WDFY3: variants seen among roughly 807,000 people sequenced by gnomAD.
WDFY3 encodes the protein WD repeat and FYVE domain-containing protein 3.
WDFY3 carries 66 observed loss-of-function variants against 409.6 expected under a neutral mutation model. That is an observed-to-expected ratio of 0.16 (90% CI 0.13 to 0.20). The LOEUF is 0.20. Ranked by LOEUF, WDFY3 falls within the 10% of genes least tolerant of loss-of-function variation. The pLI, the probability that WDFY3 is intolerant of heterozygous loss-of-function variation, is 1.00. For missense variants in WDFY3, 3,031 were observed against 4,298.1 expected, an observed-to-expected ratio of 0.71 and a Z score of 8.24; for synonymous variants, 1,521 against 1,537.1, an observed-to-expected ratio of 0.99 and a Z score of 0.25.
intron 21 of WDFY3, among the ~76,000 whole-genome samples, chr4:84,791,690 A>T (rs1316620839): frequency 2.0e-5 from 3 of 152,188 alleles, no homozygotes; most frequent in Admixed American, 2.0e-4. Context: ...ACTGTCCATA[A>T]TAAAAGGCAG....
At chr4:84,675,890 G>A (rs1401505858) in intron 67 of WDFY3, among the ~76,000 whole-genome samples, 1 of 151,806 alleles carries the variant, frequency 6.6e-6, no homozygotes, top group Non-Finnish European at 1.5e-5. Flanking sequence ...TTTCATATGG[G>A]GGAAAAATAG....
rs571189025 is a variant in WDFY3 at position 84,754,764 on chromosome 4, A to C, written c.5559+502T>G. Reference sequence around the variant, plus strand: ...GTTAACATTTCTGACCTCTAAATGAAAGTGACTTTAAAAGTTGAAATAACA... The same window carrying C: ...GTTAACATTTCTGACCTCTAAATGACAGTGACTTTAAAAGTTGAAATAACA... On this transcript the variant is annotated intron_variant, in intron 34 of 67. Transcript: ENST00000295888. Among the ~76,000 whole-genome samples, 12 of 152,320 alleles carry C rather than the reference A, an allele frequency of 7.9e-5. No individual in the cohort carries two copies. In the South Asian group the frequency reaches 2.5e-3, roughly 32 times the overall value.
intron 11 of WDFY3, 34 bp from the exon 12 acceptor site, chr4:84,820,220 G>T (rs1449609123): frequency 6.6e-7 from 1 of 1,510,844 alleles, no homozygotes; most frequent in Non-Finnish European, 9.0e-7. Context: ...AATTACAAAA[G>T]TGATAAGCTT....
chr4:84,836,962 T>C lies in WDFY3; in HGVS notation c.543A>G (p.Glu181=). The C allele has an allele frequency of 6.3e-7, 1 of 1,586,662 alleles. No homozygotes were observed. The highest frequency in any genetic ancestry group is 8.6e-7 in the Non-Finnish European group (1 of 1,166,656). The change falls in exon 7 of 68, where the codon GAA becomes GAG. Residue 181 remains glutamate, a synonymous_variant. Transcript: ENST00000295888. ...AAACTTTCTGGAGTAGTCCTCGACG[T>C]TCTGCTAGAGGTAGCTCATTCTGTG... ...GGAQNELPLA[E]RRGLLQKVFV... is the part of the protein sequence containing the mutation.
At chr4:84,751,774 C>T (rs1013584554) in intron 35 of WDFY3, 58 bp from the exon 36 acceptor site, 2 of 1,571,918 alleles carry the variant, frequency 1.3e-6, no homozygotes, top group African/African-American at 1.4e-5. Context: ...ATTTTTACTT[C>T]TGTGTTTCCT....
At chr4:84,719,724 T>C (rs1312503572) in intron 47 of WDFY3, among the ~76,000 whole-genome samples, 1 of 152,198 alleles carries the variant, frequency 6.6e-6, no homozygotes, top group Non-Finnish European at 1.5e-5. Flanking sequence ...GTTTATTTCC[T>C]AAGTGTATGG....
At chr4:84,703,568 C>T (rs545961840) in intron 55 of WDFY3, among the ~76,000 whole-genome samples, 23 of 152,326 alleles carry the variant, frequency 1.5e-4, no homozygotes, top group East Asian at 1.2e-3. Flanking sequence ...CACTGGCCCC[C>T]GGGCTGCTCC....
In WDFY3 at chr4:84,810,103, A is replaced by G; in HGVS notation, c.2129T>C (p.Ile710Thr). 6.2e-7 allele frequency: 1 copy of G among 1,614,164 alleles called. No homozygotes were observed. Among genetic ancestry groups the G allele is most frequent in the Non-Finnish European group, 8.5e-7 (1 of 1,180,002 alleles). ...AGCATCTGCCAACTTCTCATACTGA[A>G]TCTCTGTTTTGAAGAAATGAGAGTT... ...PANSHFFKTE[I>T]QYEKLADAVR... The change falls in exon 14 of 68, where the codon ATT becomes ACT. Residue 710 changes from isoleucine to threonine, a missense_variant. By Grantham distance (89) the Ile-to-Thr change is moderately conservative (BLOSUM62 -1). Around this residue, in one of 16 missense-constraint regions of WDFY3, gnomAD observed 1,322 missense variants for 1,697.9 expected, o/e 0.78. Coordinates refer to ENST00000295888, the MANE Select transcript of WDFY3 (RefSeq NM_014991.6).
chr4:84,959,252 A>G (rs944257733), intron 1 of WDFY3, among the ~76,000 whole-genome samples: 7 of 152,164 alleles, frequency 4.6e-5, no homozygotes, highest in Non-Finnish European at 8.8e-5. Context: ...CCCATGTTTT[A>G]GCGCCTCTTT....
chr4:84,760,015 G>C (rs1049848003), intron 32 of WDFY3, among the ~76,000 whole-genome samples: 6 of 152,076 alleles, frequency 3.9e-5, no homozygotes, highest in Admixed American at 6.6e-5. Context: ...TAGCCTGAAG[G>C]GTTGTTGAAT....
chr4:84,718,887 A>T (rs962776555), intron 47 of WDFY3, among the ~76,000 whole-genome samples: 2 of 152,340 alleles, frequency 1.3e-5, no homozygotes, highest in Admixed American at 6.5e-5. Context: ...AGGGAGACAG[A>T]CACAGCAAAC....
chr4:84,767,437 AAAGACTC>A (rs113731650), intron 30 of WDFY3, among the ~76,000 whole-genome samples: 6 of 152,276 alleles, frequency 3.9e-5, no homozygotes, highest in African/African-American at 1.4e-4. Context: ...CAAGCGAAAG[AAAGACTC>A]ATGTATCTCT....
intron 44 of WDFY3, among the ~76,000 whole-genome samples, chr4:84,731,443 T>A (rs1054284856): frequency 2.6e-5 from 4 of 152,228 alleles, no homozygotes; most frequent in African/African-American, 9.6e-5. Context: ...CTGACCTTGA[T>A]TTGTGCATGA....
intron 47 of WDFY3, among the ~76,000 whole-genome samples, chr4:84,720,243 A>ATG (rs1734626409): frequency 1.3e-5 from 2 of 152,200 alleles, no homozygotes; most frequent in Non-Finnish European, 2.9e-5. Context: ...AGTGATATAT[A>ATG]TAAGGCATCA....
chr4:84,737,967 T>C (rs1012812437), intron 40 of WDFY3, among the ~76,000 whole-genome samples: 3 of 152,182 alleles, frequency 2.0e-5, no homozygotes, highest in Non-Finnish European at 4.4e-5. Flanking sequence ...CCAAATGATA[T>C]TGATGTTGCT....
chr4:84,837,114 G>C (rs369570964), intron 6 of WDFY3, 24 bp from the exon 7 acceptor site: 2 of 1,471,230 alleles, frequency 1.4e-6, no homozygotes, highest in Non-Finnish European at 1.8e-6. Context: ...CAATAAATAA[G>C]TGAATAGATA....
intron 39 of WDFY3, 197 bp from the exon 40 acceptor site, chr4:84,739,316 TAG>T: frequency 3.6e-6 from 2 of 553,580 alleles, no homozygotes; most frequent in South Asian, 4.6e-5. Context: ...TAAATGTAAT[TAG>T]ACTGATCTAT....
chr4:84,720,152 C>T (rs1734606034), intron 47 of WDFY3, among the ~76,000 whole-genome samples: 2 of 152,042 alleles, frequency 1.3e-5, no homozygotes, highest in South Asian at 4.1e-4. Flanking sequence ...AGAGATAAGA[C>T]ACAGTTTGCC....
intron 34 of WDFY3, among the ~76,000 whole-genome samples, chr4:84,754,205 T>A (rs1578373133): frequency 1.3e-5 from 2 of 152,170 alleles, no homozygotes; most frequent in African/African-American, 4.8e-5. Context: ...GTATTACCAT[T>A]AATGTTGCCC....
Sources: allele counts gnomAD v4.1 joint callset (sites outside exome capture counted in the v4.1 genomes callset), GRCh38; gene constraint gnomAD v4.1.1; regional missense constraint gnomAD v4.1.1; transcripts MANE v1.5; gene names NCBI Gene and HGNC (gene_info 2026-07-23, HGNC 2026-07-21).